ASGR2: variants seen among roughly 807,000 people sequenced by gnomAD.
ASGR2 encodes the protein asialoglycoprotein receptor 2.
Under a neutral mutation model 32.3 loss-of-function variants are expected in ASGR2, and 34 were observed. The ratio of observed to expected loss-of-function variants is 1.05; its 90% CI spans 0.80 to 1.40. The LOEUF (loss-of-function observed/expected upper bound fraction) is 1.40. Among genes scored for constraint, ASGR2 ranks in the 40% most tolerant of loss-of-function variants. ASGR2 has a pLI of 0.00. For synonymous variants in ASGR2, 143 were observed against 150.0 expected, an observed-to-expected ratio of 0.95 and a Z score of 0.34; for missense variants, 385 against 386.4, an observed-to-expected ratio of 1.00 and a Z score of 0.03.
intron 2 of ASGR2, among the ~76,000 whole-genome samples, chr17:7,109,255 G>A (rs1234284193): frequency 6.6e-6 from 1 of 152,068 alleles, no homozygotes; most frequent in Non-Finnish European, 1.5e-5. Context: ...CTGAGAAGGG[G>A]GATCTGTGAA....
Position 7,101,551 on chromosome 17 carries a change from G to C in ASGR2, c.*24C>G, listed in dbSNP as rs577138948. ...CCAGAGCTGGGCAGGTGTGGGGTATGGGTTAGCCAGAGGTGTGCTGGGGTC... is the reference window on the plus strand; with the variant it reads ...CCAGAGCTGGGCAGGTGTGGGGTATCGGTTAGCCAGAGGTGTGCTGGGGTC... On this transcript the variant is annotated 3_prime_UTR_variant, in exon 9 of 9. Transcript: ENST00000691900. 3.1e-4 allele frequency: 493 copies of C among 1,610,646 alleles called. 7 individuals carry two copies. In the South Asian group the frequency reaches 5.2e-3, roughly 17 times the overall value.
chr17:7,111,472 T>C (rs314235), intron 2 of ASGR2, among the ~76,000 whole-genome samples: 2,986 of 151,540 alleles, frequency 0.02, 35 homozygotes, highest in South Asian at 0.043. Context: ...CTGGCTAACA[T>C]GGTGAAACCC....
chr17:7,104,751 C>T (rs924738075), intron 7 of ASGR2, among the ~76,000 whole-genome samples: 7 of 150,482 alleles, frequency 4.7e-5, no homozygotes, highest in Admixed American at 6.6e-5. Flanking sequence ...CCAAGGCGGG[C>T]GGATCACGAG....
chr17:7,104,507 C>T (rs1373919897), intron 7 of ASGR2, among the ~76,000 whole-genome samples: 2 of 150,410 alleles, frequency 1.3e-5, no homozygotes, highest in Non-Finnish European at 3.0e-5. Context: ...TAAATATTAG[C>T]CAGGCATGGT....
chr17:7,107,150 G>C lies in ASGR2; in HGVS notation c.498C>G (p.Gly166=), dbSNP rs759255639. The C allele has an allele frequency of 1.9e-6, 3 of 1,614,080 alleles. No homozygotes were observed. The African/African-American group carries it at 4.0e-5, about 22-fold the overall frequency. Residue 166 remains glycine, a splice_region_variant and synonymous_variant, in exon 7 of 9, where the codon GGC becomes GGG. Transcript: ENST00000691900. The surrounding 1 kb of genome is among the most constrained non-coding windows in gnomAD (Gnocchi z 5.0). ...ACQMELLHSN[G]SQRTCCPVNW... ...TGACGGGGCAGCAGGTCCTTTGGGA[G>C]CCTGAGGGGACAGGGGGCAGGGAGA... is the stretch of plus-strand genomic sequence containing the variant.
chr17:7,114,838 CAG>C (rs1915269905), upstream of ASGR2: 6 of 987,444 alleles, frequency 6.1e-6, no homozygotes, highest in Middle Eastern at 5.2e-4. This position sits in a 1 kb window ranked among gnomAD's most constrained non-coding sequence, Gnocchi z 4.5. Context: ...GAAGAGGAAA[CAG>C]AGCTGTAACT....
chr17:7,101,556 AG>A lies in ASGR2; in HGVS notation c.*18del. ...GCTGGGCAGGTGTGGGGTATGGGTT[AG>A]CCAGAGGTGTGCTGGGGTCAGGCCA... On this transcript the variant is annotated 3_prime_UTR_variant, in exon 9 of 9. Coordinates refer to ENST00000691900, the MANE Select transcript of ASGR2 (RefSeq NM_001201352.2). 1 of 1,612,354 alleles carries A rather than the reference AG, an allele frequency of 6.2e-7. No homozygotes were observed. The highest frequency in any genetic ancestry group is 8.5e-7 in the Non-Finnish European group (1 of 1,179,018).
chr17:7,108,716 G>A lies in ASGR2; in HGVS notation c.241+56C>T. ...ATCGCCCCGATCGCTGCCCGCCACT[G>A]CCCATGTCTCTTTCCCTACCCCTTG... is the stretch of plus-strand genomic sequence containing the variant. On this transcript the variant is annotated intron_variant, in intron 3 of 8. Coordinates refer to ENST00000691900, the MANE Select transcript of ASGR2 (RefSeq NM_001201352.2). This position sits in a 1 kb window ranked among gnomAD's most constrained non-coding sequence, Gnocchi z 4.9. 2 of 1,613,406 alleles carry A rather than the reference G, an allele frequency of 1.2e-6. No homozygotes were observed. The highest frequency in any genetic ancestry group is 8.5e-7 in the Non-Finnish European group (1 of 1,179,586).
chr17:7,106,667 G>A (rs769617298), intron 7 of ASGR2, among the ~76,000 whole-genome samples: 1 of 152,140 alleles, frequency 6.6e-6, no homozygotes, highest in Non-Finnish European at 1.5e-5. Flanking sequence ...ACTTTGGGAG[G>A]CGGAGGTGGG....
chr17:7,108,008 C>T lies in ASGR2; in HGVS notation c.338-101G>A. 1 of 1,384,280 alleles carries T rather than the reference C, an allele frequency of 7.2e-7. No individual in the cohort carries two copies. 85.7% of individuals were successfully genotyped at this position (1,384,280 alleles called of 1,614,324 possible). ...GCCTCGTCCTGGGCGATGCAGGCGT[C>T]CACCTCCTGGCTTCCTGGACCACAC... On this transcript the variant is annotated intron_variant, in intron 4 of 8. Coordinates refer to ENST00000691900, the MANE Select transcript of ASGR2 (RefSeq NM_001201352.2). The surrounding 1 kb of genome is among the most constrained non-coding windows in gnomAD (Gnocchi z 4.9).
At chr17:7,111,529 G>A (rs976776297) in intron 2 of ASGR2, among the ~76,000 whole-genome samples, 20 of 151,922 alleles carry the variant, frequency 1.3e-4, no homozygotes, top group East Asian at 3.9e-4. Context: ...GGTGGCAGGC[G>A]CCTGTAGTCC....
rs143418782 is a variant in ASGR2, at chr17:7,107,063, C to A, written c.585G>T (p.Glu195Asp). The A allele has an allele frequency of 1.9e-4, 299 of 1,614,114 alleles. No homozygotes were observed. Among genetic ancestry groups the A allele is most frequent in the Non-Finnish European group, 2.5e-4 (297 of 1,180,054 alleles). ...TCTCCAGCTGGCAGTACTTCTCCGC[C>A]TCAGCCCAGGCCTTCCCGGAGTGAG... ...WFSHSGKAWA[E>D]AEKYCQLENA... The change falls in exon 7 of 9, where the codon GAG becomes GAT. Residue 195 changes from glutamate to aspartate, a missense_variant. Coordinates refer to ENST00000691900, the MANE Select transcript of ASGR2 (RefSeq NM_001201352.2). The surrounding 1 kb of genome is among the most constrained non-coding windows in gnomAD (Gnocchi z 5.0).
At position 7,101,583 on chromosome 17, in the gene ASGR2, C is replaced by T. The variant is rs1226119550; in HGVS notation, c.913G>A (p.Val305Met). Reference protein sequence around the residue: ...CEKRRNATGEVA With the variant: ...CEKRRNATGEMA ...CCAGAGGTGTGCTGGGGTCAGGCCA[C>T]CTCGCCGGTGGCATTCCGCCTTTTC... The change falls in exon 9 of 9, where the codon GTG (valine) becomes ATG (methionine). Residue 305 changes from valine to methionine, a missense_variant. By Grantham distance (21) the Val-to-Met change is conservative. Coordinates refer to ENST00000691900, the MANE Select transcript of ASGR2 (RefSeq NM_001201352.2). The T allele has an allele frequency of 1.9e-6, 3 of 1,613,980 alleles. No individual in the cohort carries two copies. The African/African-American group carries it at 4.0e-5, about 22-fold the overall frequency.
rs1234895681 is a variant in ASGR2 at position 7,108,530 on chromosome 17, C to A, written c.269G>T (p.Ser90Ile). The change falls in exon 4 of 9, where the codon AGC (serine) becomes ATC (isoleucine). Residue 90 changes from serine (S) to isoleucine (I), a missense_variant. Physicochemically the swap from Ser to Ile is moderately radical, Grantham distance 142. Transcript: ENST00000691900. This position sits in a 1 kb window ranked among gnomAD's most constrained non-coding sequence, Gnocchi z 4.9. ...QSAQLQAELR[S>I]LKEAFSNFSS... ...GAAGTTGCTGAAAGCTTCCTTCAGG[C>A]TCCGCAGCTCGGCTTGCAGCTGTGC... 1 of 1,609,316 alleles carries A rather than the reference C, an allele frequency of 6.2e-7. No individual in the cohort carries two copies. Among genetic ancestry groups the A allele is most frequent in the South Asian group, 1.1e-5 (1 of 90,038 alleles).
rs541553762 is a variant in ASGR2 at position 7,114,010 on chromosome 17, C to G, written c.124+107G>C. On this transcript the variant is annotated intron_variant, in intron 2 of 8. Transcript: ENST00000691900. This position sits in a 1 kb window ranked among gnomAD's most constrained non-coding sequence, Gnocchi z 4.5. Reference sequence around the variant, plus strand: ...AGGGAACAAGCGGGGGTGTCGGGCCCTCCTCAGTCCCTGTTCACAGAGTGG... The same window carrying G: ...AGGGAACAAGCGGGGGTGTCGGGCCGTCCTCAGTCCCTGTTCACAGAGTGG... 1.4e-4 allele frequency: 212 copies of G among 1,511,896 alleles called. No homozygotes were observed. The highest frequency in any genetic ancestry group is 1.8e-4 in the Non-Finnish European group (202 of 1,120,912). The allele number at this position is 1,511,896 out of a possible 1,614,324, so 93.7% of individuals were successfully genotyped here.
Position 7,114,021 on chromosome 17 carries a change from C to G in ASGR2, c.124+96G>C, listed in dbSNP as rs995739359. On this transcript the variant is annotated intron_variant, in intron 2 of 8. Transcript: ENST00000691900. The surrounding 1 kb of genome is among the most constrained non-coding windows in gnomAD (Gnocchi z 4.5). ...GGGGGTGTCGGGCCCTCCTCAGTCC[C>G]TGTTCACAGAGTGGGTGCGGCAGAG... 1.4e-4 allele frequency: 216 copies of G among 1,552,854 alleles called. No homozygotes were observed. Among genetic ancestry groups the G allele is most frequent in the Non-Finnish European group, 1.6e-4 (178 of 1,146,716 alleles).
rs1913944202 is a variant in ASGR2 at position 7,107,573 on chromosome 17, GCACA to G, written c.409+259_410-257del. The G allele has an allele frequency of 2.4e-5, 15 of 629,110 alleles. No homozygotes were observed. The highest frequency in any genetic ancestry group is 5.6e-5 in the African/African-American group (3 of 54,012). 39.0% of individuals were successfully genotyped at this position (629,110 alleles called of 1,614,324 possible). A position where few individuals can be genotyped will look rare whatever the true frequency, so the allele number is the denominator to read the frequency against. On this transcript the variant is annotated intron_variant, in intron 5 of 8. Coordinates refer to ENST00000691900, the MANE Select transcript of ASGR2 (RefSeq NM_001201352.2). The surrounding 1 kb of genome is among the most constrained non-coding windows in gnomAD (Gnocchi z 5.0). Reference sequence around the variant, plus strand: ...TGCGTACACACACATATACCATACCGCACACACACAGACTCATCTCACACACACC... The same window carrying G: ...TGCGTACACACACATATACCATACCGCACACAGACTCATCTCACACACACC...
intron 7 of ASGR2, among the ~76,000 whole-genome samples, chr17:7,104,399 C>T (rs1326741640): frequency 2.8e-5 from 4 of 145,056 alleles, no homozygotes; most frequent in African/African-American, 1.0e-4. Flanking sequence ...TGCCTGTAAT[C>T]CTAGCACTTT....
At position 7,114,323 on chromosome 17, in the gene ASGR2, T is replaced by C; in HGVS notation, c.-70-13A>G. The C allele has an allele frequency of 6.5e-7, 1 of 1,536,722 alleles. No homozygotes were observed. The highest frequency in any genetic ancestry group is 8.7e-7 in the Non-Finnish European group (1 of 1,143,162). On this transcript the variant is annotated splice_polypyrimidine_tract_variant and intron_variant, in intron 1 of 8. Transcript: ENST00000691900. The surrounding 1 kb of genome is among the most constrained non-coding windows in gnomAD (Gnocchi z 4.5). Reference sequence around the variant, plus strand: ...CTGAGGGCTGGGGCTGGGGCAGAGGTGCAGATTCACGTGGAGGTTGATGGT... The same window carrying C: ...CTGAGGGCTGGGGCTGGGGCAGAGGCGCAGATTCACGTGGAGGTTGATGGT...
Sources: allele counts gnomAD v4.1 joint callset (sites outside exome capture counted in the v4.1 genomes callset), GRCh38; gene constraint gnomAD v4.1.1; non-coding constraint Gnocchi (gnomAD v3.1); transcripts MANE v1.5; gene names NCBI Gene and HGNC (gene_info 2026-07-23, HGNC 2026-07-21).